Variants in LRMDA observed in about 807,000 individuals in gnomAD.
LRMDA encodes leucine rich melanocyte differentiation associated.
LRMDA carries 18 observed loss-of-function variants against 29.8 expected under a neutral mutation model. That is an observed-to-expected ratio of 0.60 (90% confidence interval 0.42 to 0.90). The LOEUF is 0.90. Among genes scored for constraint, LRMDA ranks in the 40% least tolerant of loss-of-function variants. The pLI is 0.00. For missense variants in LRMDA, 273 were observed against 273.9 expected (o/e 1.00, Z 0.02); for synonymous variants, 125 against 109.4 (o/e 1.14, Z -0.89).
chr10:75,567,531 G>A (rs1174035663), intron 2 of LRMDA, among the ~76,000 whole-genome samples: 2 of 152,100 alleles, frequency 1.3e-5, no homozygotes, highest in Admixed American at 1.3e-4. Flanking sequence ...TAACAGATAA[G>A]GAAAATGTGT....
At chr10:76,336,812 T>C (rs920087716) in intron 6 of LRMDA, among the ~76,000 whole-genome samples, 2 of 152,216 alleles carry the variant, frequency 1.3e-5, no homozygotes, top group African/African-American at 4.8e-5. Context: ...TTATCCTAAA[T>C]CAAGGAGAGT....
intron 2 of LRMDA, among the ~76,000 whole-genome samples, chr10:75,695,059 G>A (rs1842217484): frequency 6.6e-6 from 1 of 151,870 alleles, no homozygotes; most frequent in Non-Finnish European, 1.5e-5. Flanking sequence ...GGGACATGAG[G>A]AGTGGCTATT....
chr10:75,761,192 C>T (rs894714385), intron 2 of LRMDA, among the ~76,000 whole-genome samples: 3 of 152,164 alleles, frequency 2.0e-5, no homozygotes, highest in Non-Finnish European at 4.4e-5. Context: ...GGGTCTGTAA[C>T]CAAAATAATT....
At chr10:76,265,449 G>A (rs545930261) in intron 5 of LRMDA, among the ~76,000 whole-genome samples, 31 of 152,290 alleles carry the variant, frequency 2.0e-4, no homozygotes, top group African/African-American at 3.1e-4. Flanking sequence ...CACACTCAGC[G>A]CAGCCGAATT....
rs1387265194 is a variant in LRMDA at position 76,400,559 on chromosome 10, C to T, written c.601+76074C>T. Among the ~76,000 whole-genome samples the T allele has an allele frequency of 7.9e-5, 12 of 152,306 alleles. No homozygotes were observed. The East Asian group carries it at 2.1e-3, about 27-fold the overall frequency. ...GATTCTTTGTCTTTGGCCTTGAACT[C>T]CCTATTCAAGCTGTTTTCCAATTCT... On this transcript the variant is annotated intron_variant, in intron 6 of 6. Coordinates refer to ENST00000611255, the MANE Select transcript of LRMDA (RefSeq NM_001305581.2).
intron 2 of LRMDA, among the ~76,000 whole-genome samples, chr10:76,015,795 C>G (rs181286516): frequency 6.6e-6 from 1 of 152,320 alleles, no homozygotes; most frequent in Admixed American, 6.5e-5. Context: ...TATCTTTAAT[C>G]ATTAAATAGT....
intron 5 of LRMDA, among the ~76,000 whole-genome samples, chr10:76,308,076 A>G (rs1840580663): frequency 6.6e-6 from 1 of 152,132 alleles, no homozygotes; most frequent in African/African-American, 2.4e-5. Flanking sequence ...TCATTTTCTG[A>G]CAGTCTCTCT....
chr10:75,782,003 G>C (rs1843391705), intron 2 of LRMDA, among the ~76,000 whole-genome samples: 1 of 152,196 alleles, frequency 6.6e-6, no homozygotes, highest in African/African-American at 2.4e-5. Flanking sequence ...TGGGGAATGT[G>C]TTCGAGGATC....
chr10:76,034,771 G>A (rs1364893837), intron 2 of LRMDA, among the ~76,000 whole-genome samples: 10 of 152,108 alleles, frequency 6.6e-5, no homozygotes, highest in African/African-American at 2.4e-4. Context: ...TAGTGTGGAC[G>A]ACATCTCCCT....
Position 76,384,628 on chromosome 10 carries a change from A to G in LRMDA, c.601+60143A>G, listed in dbSNP as rs116148030. Reference sequence around the variant, plus strand: ...CTGTTTTCTTTGAGGCCAGTTCAGGACTTTCCGTCCCAGGAAGGTTTCCAC... The same window carrying G: ...CTGTTTTCTTTGAGGCCAGTTCAGGGCTTTCCGTCCCAGGAAGGTTTCCAC... On this transcript the variant is annotated intron_variant, in intron 6 of 6. Coordinates refer to ENST00000611255, the MANE Select transcript of LRMDA (RefSeq NM_001305581.2). Among the ~76,000 whole-genome samples, 577 of 152,240 alleles carry G rather than the reference A, an allele frequency of 3.8e-3. 3 individuals are homozygous for G. Among genetic ancestry groups the G allele is most frequent in the African/African-American group, 0.013 (556 of 41,540 alleles).
intron 5 of LRMDA, among the ~76,000 whole-genome samples, chr10:76,137,189 C>T (rs1850110903): frequency 6.6e-6 from 1 of 152,198 alleles, no homozygotes; most frequent in Non-Finnish European, 1.5e-5. Context: ...ATTCCCATCC[C>T]ATGCTGACTA....
chr10:75,581,485 A>G (rs1840590759), intron 2 of LRMDA, among the ~76,000 whole-genome samples: 1 of 152,210 alleles, frequency 6.6e-6, no homozygotes, highest in African/African-American at 2.4e-5. Flanking sequence ...AAATTAGTTC[A>G]ACCATTGTGG....
At chr10:75,787,222 A>G (rs946662234) in intron 2 of LRMDA, among the ~76,000 whole-genome samples, 4 of 152,156 alleles carry the variant, frequency 2.6e-5, no homozygotes, top group African/African-American at 9.7e-5. Flanking sequence ...TAATTGGGAC[A>G]CCTTAATCGG....
intron 2 of LRMDA, among the ~76,000 whole-genome samples, chr10:75,665,432 A>G (rs1057346224): frequency 1.3e-5 from 2 of 152,198 alleles, no homozygotes; most frequent in Admixed American, 1.3e-4. Flanking sequence ...GCCTCCAAAT[A>G]TCAATTGATT....
At chr10:76,223,062 A>C (rs1244459570) in intron 5 of LRMDA, among the ~76,000 whole-genome samples, 1 of 151,932 alleles carries the variant, frequency 6.6e-6, no homozygotes, top group East Asian at 1.9e-4. Flanking sequence ...TGGGAATTGA[A>C]CAACGAGAAC....
intron 2 of LRMDA, among the ~76,000 whole-genome samples, chr10:75,770,777 G>T (rs2132234667): frequency 6.6e-6 from 1 of 152,288 alleles, no homozygotes; most frequent in South Asian, 2.1e-4. Context: ...AACTCTCCTT[G>T]CTCGGGTCTC....
chr10:76,279,539 C>CTTTTTTTTT (rs759651873), intron 5 of LRMDA, among the ~76,000 whole-genome samples: 1 of 93,808 alleles, frequency 1.1e-5, no homozygotes. Flanking sequence ...ACAAATGCTT[C>CTTTTTTTTT]TTTTTTTTTT....
At position 76,004,876 on chromosome 10, in the gene LRMDA, T is replaced by C. The variant is rs544988301; in HGVS notation, c.132-31132T>C. Among the ~76,000 whole-genome samples, 294 of 152,086 alleles carry C rather than the reference T, an allele frequency of 1.9e-3. 2 individuals are homozygous for C. The highest frequency in any genetic ancestry group is 6.7e-3 in the African/African-American group (277 of 41,492). ...CCGAGTAGCTGGGACTACAGGCGCC[T>C]GCCACCACACCTGGTTAATTTTTTG... On this transcript the variant is annotated intron_variant, in intron 2 of 6. Coordinates refer to ENST00000611255, the MANE Select transcript of LRMDA (RefSeq NM_001305581.2).
At chr10:76,081,521 C>T (rs889161678) in intron 5 of LRMDA, among the ~76,000 whole-genome samples, 2 of 152,130 alleles carry the variant, frequency 1.3e-5, no homozygotes, top group East Asian at 1.9e-4. Context: ...CAGATATAGC[C>T]ACAGATTGTG....
Sources: allele counts gnomAD v4.1 joint callset (sites outside exome capture counted in the v4.1 genomes callset), GRCh38; gene constraint gnomAD v4.1.1; transcripts MANE v1.5; gene names NCBI Gene and HGNC (gene_info 2026-07-23, HGNC 2026-07-21).